The following DAG1 variants were observed in gnomAD, a reference collection of about 807,000 sequenced individuals.
DAG1 encodes dystroglycan 1 (dystrophin-associated glycoprotein 1).
Under a neutral mutation model 46.1 loss-of-function variants are expected in DAG1, and 8 were observed. The ratio of observed to expected loss-of-function variants is 0.17; its 90% CI spans 0.10 to 0.31. The LOEUF (loss-of-function observed/expected upper bound fraction) is 0.31, where lower values mean the gene tolerates loss of function less well. DAG1 is among the 10% of genes least tolerant of loss of function. DAG1 has a pLI of 1.00. For missense variants in DAG1, 1,003 were observed against 1,189.9 expected, an observed-to-expected ratio of 0.84 and a Z score of 2.31; for synonymous variants, 495 against 481.8, an observed-to-expected ratio of 1.03 and a Z score of -0.36.
chr3:49,515,752 C>G (rs2050882109), intron 2 of DAG1, among the ~76,000 whole-genome samples: 1 of 152,080 alleles, frequency 6.6e-6, no homozygotes, highest in African/African-American at 2.4e-5. Flanking sequence ...GTTGAGGCGA[C>G]CCCAGTCATC....
chr3:49,477,315 G>C (rs2049708494), intron 1 of DAG1, among the ~76,000 whole-genome samples: 1 of 151,476 alleles, frequency 6.6e-6, no homozygotes, highest in African/African-American at 2.4e-5. Flanking sequence ...TTTTGAGACA[G>C]GATCTCTGTC....
At chr3:49,478,431 CAAAAAATAAAA>C (rs1264196332) in intron 1 of DAG1, among the ~76,000 whole-genome samples, 2 of 64,856 alleles carry the variant, frequency 3.1e-5, no homozygotes, top group African/African-American at 6.6e-5. Context: ...CCTGTCTCTA[CAAAAAATAAAA>C]AAAAAAAAAA....
rs1287262983 is a variant in DAG1 at position 49,510,462 on chromosome 3, AC to A, written c.-70del. The A allele has an allele frequency of 6.7e-7, 1 of 1,492,922 alleles. No individual in the cohort carries two copies. The highest frequency in any genetic ancestry group is 9.3e-7 in the Non-Finnish European group (1 of 1,079,374). 92.5% of individuals were successfully genotyped at this position (1,492,922 alleles called of 1,614,324 possible). A position where few individuals can be genotyped will look rare whatever the true frequency, so the allele number is the denominator to read the frequency against. On this transcript the variant is annotated 5_prime_UTR_variant, in exon 2 of 3. Transcript: ENST00000308775. ...TGGAGCAGGTGTGCAGAGGGTGAGA[AC>A]CCAGCTCTGGGACCAAGTCACTTGC...
chr3:49,493,980 T>C (rs1249931218), intron 1 of DAG1, among the ~76,000 whole-genome samples: 1 of 152,188 alleles, frequency 6.6e-6, no homozygotes, highest in Non-Finnish European at 1.5e-5. Context: ...TTTGTGATTT[T>C]TTAGAATTTG....
At chr3:49,528,302 T>TGG (rs869281804) in intron 2 of DAG1, among the ~76,000 whole-genome samples, 61 of 95,698 alleles carry the variant, frequency 6.4e-4, no homozygotes, top group African/African-American at 2.4e-3. Flanking sequence ...TTTTTTTTTT[T>TGG]GGGACAGAGT....
At chr3:49,490,274 A>G (rs2050146921) in intron 1 of DAG1, among the ~76,000 whole-genome samples, 2 of 150,362 alleles carry the variant, frequency 1.3e-5, no homozygotes, top group African/African-American at 4.9e-5. Flanking sequence ...AATGATGTGG[A>G]CCCGGGAGGT....
chr3:49,524,162 G>T (rs1305482039), intron 2 of DAG1, among the ~76,000 whole-genome samples: 1 of 152,184 alleles, frequency 6.6e-6, no homozygotes, highest in Non-Finnish European at 1.5e-5. Flanking sequence ...GCACCTCCGG[G>T]ATGAGCTAAG....
intron 2 of DAG1, among the ~76,000 whole-genome samples, chr3:49,516,146 C>G (rs1490550679): frequency 1.3e-5 from 2 of 152,206 alleles, no homozygotes; most frequent in African/African-American, 4.8e-5. Flanking sequence ...CCCTTTCCTT[C>G]CACCCTGGTA....
intron 2 of DAG1, among the ~76,000 whole-genome samples, chr3:49,515,889 C>G (rs937385875): frequency 6.6e-6 from 1 of 152,122 alleles, no homozygotes; most frequent in Non-Finnish European, 1.5e-5. Context: ...CTTTATCTTT[C>G]TAAAGCTTAA....
rs2051442339 is a variant in DAG1, at chr3:49,533,999, C to G, written c.*800C>G. ...GGGCCATGGACATCCCCACTTCCAG[C>G]CCATGTACACTAGTGGCCCACGACC... is the stretch of plus-strand genomic sequence containing the variant. On this transcript the variant is annotated 3_prime_UTR_variant, in exon 3 of 3. Transcript: ENST00000308775. The G allele has an allele frequency of 6.5e-6, 1 of 154,848 alleles. No homozygotes were observed. Among genetic ancestry groups the G allele is most frequent in the Non-Finnish European group, 1.4e-5 (1 of 69,744 alleles). 9.6% of individuals were successfully genotyped at this position (154,848 alleles called of 1,614,324 possible).
chr3:49,517,716 C>T (rs1313826559), intron 2 of DAG1, among the ~76,000 whole-genome samples: 1 of 152,230 alleles, frequency 6.6e-6, no homozygotes, highest in East Asian at 1.9e-4. Context: ...AAAGGAGAGT[C>T]TGAGTGAAAG....
At chr3:49,521,744 C>T (rs1424419352) in intron 2 of DAG1, among the ~76,000 whole-genome samples, 3 of 152,190 alleles carry the variant, frequency 2.0e-5, no homozygotes, top group African/African-American at 7.2e-5. Context: ...ATCAGTAAAG[C>T]AGCTGGAGGG....
chr3:49,532,490 C>A lies in DAG1; in HGVS notation c.1979C>A (p.Thr660Asn), dbSNP rs1254959843. 1 of 1,614,194 alleles carries A rather than the reference C, an allele frequency of 6.2e-7. No individual in the cohort carries two copies. Among genetic ancestry groups the A allele is most frequent in the Non-Finnish European group, 8.5e-7 (1 of 1,180,042 alleles). Reference sequence around the variant, plus strand: ...CGGGGCTCCATCGTGGTGGAATGGACCAACAACACACTGCCCTTGGAGCCC... The same window carrying A: ...CGGGGCTCCATCGTGGTGGAATGGAACAACAACACACTGCCCTTGGAGCCC... ...ITRGSIVVEW[T>N]NNTLPLEPCP... Residue 660 changes from threonine (T) to asparagine (N), a missense_variant, in exon 3 of 3, where the codon ACC (threonine) becomes AAC (asparagine). Physicochemically the swap from Thr to Asn is moderately conservative, Grantham distance 65. Around this residue, in one of 3 missense-constraint regions of DAG1, gnomAD observed 755 missense variants for 854.1 expected, o/e 0.88. Coordinates refer to ENST00000308775, the MANE Select transcript of DAG1 (RefSeq NM_004393.6). This position sits in a 1 kb window ranked among gnomAD's most constrained non-coding sequence, Gnocchi z 5.4.
chr3:49,483,325 T>C (rs2049934676), intron 1 of DAG1, among the ~76,000 whole-genome samples: 1 of 151,260 alleles, frequency 6.6e-6, no homozygotes, highest in African/African-American at 2.4e-5. Context: ...TGCCACAGCC[T>C]CCCAAGTAGC....
intron 1 of DAG1, among the ~76,000 whole-genome samples, chr3:49,496,984 TACCATCTTA>T (rs982166790): frequency 3.9e-5 from 6 of 152,004 alleles, no homozygotes; most frequent in African/African-American, 1.4e-4. Context: ...TATTTTAATA[TACCATCTTA>T]ACCATTAAAA....
chr3:49,505,384 T>C (rs892481795), intron 1 of DAG1, among the ~76,000 whole-genome samples: 10 of 152,198 alleles, frequency 6.6e-5, no homozygotes, highest in African/African-American at 2.4e-4. Context: ...TGCATAGTTT[T>C]CAGCATACAA....
At chr3:49,477,077 A>G (rs1395411335) in intron 1 of DAG1, among the ~76,000 whole-genome samples, 1 of 152,070 alleles carries the variant, frequency 6.6e-6, no homozygotes, top group Non-Finnish European at 1.5e-5. Context: ...GGCTCACTGC[A>G]ACCTTTGCCT....
At chr3:49,518,849 T>C (rs1276484484) in intron 2 of DAG1, among the ~76,000 whole-genome samples, 1 of 152,212 alleles carries the variant, frequency 6.6e-6, no homozygotes, top group Non-Finnish European at 1.5e-5. Context: ...ACCTGTGCCA[T>C]GGGGCCCCTG....
intron 1 of DAG1, among the ~76,000 whole-genome samples, chr3:49,506,435 T>G (rs1015772709): frequency 2.6e-5 from 4 of 152,220 alleles, no homozygotes; most frequent in African/African-American, 9.7e-5. Flanking sequence ...TAGGGGTGTT[T>G]GGTAGATGCT....
Sources: gnomAD v4.1 joint callset for allele counts (sites outside exome capture counted in the v4.1 genomes callset) on GRCh38, gnomAD v4.1.1 for gene constraint, gnomAD v4.1.1 regional missense constraint, Gnocchi (gnomAD v3.1) non-coding constraint, MANE v1.5 for transcripts, NCBI Gene and HGNC (gene_info 2026-07-23, HGNC 2026-07-21) for gene names.